The following ZNF385D variants were observed in gnomAD, a reference collection of about 807,000 sequenced individuals.
ZNF385D encodes zinc finger protein 385D.
In ZNF385D, 15 loss-of-function variants were observed where a neutral mutation model predicts 35.8. That is an observed-to-expected ratio of 0.42 (90% CI 0.28 to 0.64). The LOEUF (loss-of-function observed/expected upper bound fraction) is 0.64, where lower values mean the gene tolerates loss of function less well. ZNF385D is among the 30% of genes least tolerant of loss of function. The pLI is 0.23. For missense variants in ZNF385D, 474 were observed against 494.6 expected, an observed-to-expected ratio of 0.96 and a Z score of 0.39; for synonymous variants, 212 against 186.8, an observed-to-expected ratio of 1.13 and a Z score of -1.10.
At chr3:22,156,846 AC>A (rs749997234) in intron 3 of ZNF385D, among the ~76,000 whole-genome samples, 17 of 152,142 alleles carry the variant, frequency 1.1e-4, no homozygotes, top group South Asian at 2.1e-4. Flanking sequence ...GATTTTAAAG[AC>A]CAAAAGTCAG....
At chr3:21,492,020 A>G (rs1705462383) in intron 4 of ZNF385D, among the ~76,000 whole-genome samples, 1 of 152,116 alleles carries the variant, frequency 6.6e-6, no homozygotes, top group South Asian at 2.1e-4. Flanking sequence ...AATACCATAT[A>G]TGTAATTTTT....
At chr3:22,182,448 A>G (rs895067284) in intron 2 of ZNF385D, among the ~76,000 whole-genome samples, 2 of 152,150 alleles carry the variant, frequency 1.3e-5, no homozygotes, top group African/African-American at 4.8e-5. Flanking sequence ...CATGACAGAC[A>G]TAACTAATCA....
chr3:22,311,141 A>G (rs1703520570), intron 2 of ZNF385D, among the ~76,000 whole-genome samples: 1 of 151,966 alleles, frequency 6.6e-6, no homozygotes, highest in Non-Finnish European at 1.5e-5. Context: ...AAAGGAGAAA[A>G]AGGAAGCAGA....
At chr3:21,864,155 T>G (rs921227343) in intron 3 of ZNF385D, among the ~76,000 whole-genome samples, 9 of 152,238 alleles carry the variant, frequency 5.9e-5, no homozygotes, top group African/African-American at 2.2e-4. Flanking sequence ...ATTTTACAGT[T>G]GAATTCTCAA....
At chr3:21,880,037 A>G (rs1698196219) in intron 3 of ZNF385D, among the ~76,000 whole-genome samples, 1 of 151,960 alleles carries the variant, frequency 6.6e-6, no homozygotes. Context: ...TTAAATATGT[A>G]AAAATACTAT....
chr3:22,193,562 T>C (rs1013291189), intron 2 of ZNF385D, among the ~76,000 whole-genome samples: 12 of 152,038 alleles, frequency 7.9e-5, no homozygotes, highest in African/African-American at 2.7e-4. Flanking sequence ...TTTTGGTTTG[T>C]ATTGTAACTT....
intron 1 of ZNF385D, among the ~76,000 whole-genome samples, chr3:21,687,501 T>C (rs2067144035): frequency 6.6e-6 from 1 of 152,116 alleles, no homozygotes; most frequent in Non-Finnish European, 1.5e-5. Flanking sequence ...TACACATGTA[T>C]AGCTTTTTCC....
intron 3 of ZNF385D, among the ~76,000 whole-genome samples, chr3:21,843,080 T>C (rs961486838): frequency 4.6e-5 from 7 of 152,058 alleles, no homozygotes; most frequent in African/African-American, 1.2e-4. Context: ...TTGGCTTTTA[T>C]TGGAAACTAT....
At chr3:22,361,851 C>G (rs930694782) in intron 2 of ZNF385D, among the ~76,000 whole-genome samples, 1 of 151,864 alleles carries the variant, frequency 6.6e-6, no homozygotes, top group Middle Eastern at 3.2e-3. Flanking sequence ...GGCCTACCCA[C>G]CTAATTTGTG....
chr3:21,763,842 T>G (rs1575608125), intron 3 of ZNF385D, among the ~76,000 whole-genome samples: 1 of 152,186 alleles, frequency 6.6e-6, no homozygotes, highest in Non-Finnish European at 1.5e-5. Context: ...AACACTTAAT[T>G]TGGAAGACAT....
intron 4 of ZNF385D, among the ~76,000 whole-genome samples, chr3:21,455,988 C>T (rs1258841131): frequency 1.3e-5 from 2 of 152,174 alleles, no homozygotes; most frequent in Non-Finnish European, 2.9e-5. Context: ...TGAAAAAATG[C>T]TCATCATCAC....
At chr3:22,087,023 G>A (rs565889559) in intron 3 of ZNF385D, among the ~76,000 whole-genome samples, 2 of 151,996 alleles carry the variant, frequency 1.3e-5, no homozygotes, top group African/African-American at 4.8e-5. Context: ...CATGGCACAC[G>A]CATACATATG....
At chr3:21,456,779 T>A (rs550845973) in intron 4 of ZNF385D, among the ~76,000 whole-genome samples, 3 of 152,260 alleles carry the variant, frequency 2.0e-5, no homozygotes, top group Non-Finnish European at 4.4e-5. Context: ...TTGAGTTTCC[T>A]CTGCCATCTG....
chr3:22,334,106 A>G (rs1248497427), intron 2 of ZNF385D, among the ~76,000 whole-genome samples: 2 of 152,222 alleles, frequency 1.3e-5, no homozygotes, highest in Non-Finnish European at 2.9e-5. Flanking sequence ...TGTCTCTTAT[A>G]AGTCCATATG....
chr3:21,520,366 A>G (rs1707834088), intron 3 of ZNF385D, among the ~76,000 whole-genome samples: 1 of 152,204 alleles, frequency 6.6e-6, no homozygotes, highest in Admixed American at 6.5e-5. Flanking sequence ...ACATCTCTAA[A>G]TAGTTGCCTA....
At chr3:22,246,412 T>C (rs1699786080) in intron 2 of ZNF385D, among the ~76,000 whole-genome samples, 1 of 152,062 alleles carries the variant, frequency 6.6e-6, no homozygotes, top group African/African-American at 2.4e-5. Flanking sequence ...CAAATATGAA[T>C]TGAGTGACTA....
rs144418899 is a variant in ZNF385D, at chr3:21,973,903, T to C, written c.325+194914A>G. Among the ~76,000 whole-genome samples the C allele has an allele frequency of 7.9e-5, 12 of 151,962 alleles. No individual in the cohort carries two copies. In the East Asian group the frequency reaches 1.4e-3, roughly 17 times the overall value. ...TCTCTACAATGAAAACTATAAAATA[T>C]TGATGTAAGAAATTGAAGAGGTCAA... On this transcript the variant is annotated intron_variant, in intron 3 of 5. Transcript: ENST00000494108.
At chr3:22,279,143 G>A (rs1283357701) in intron 2 of ZNF385D, among the ~76,000 whole-genome samples, 1 of 151,988 alleles carries the variant, frequency 6.6e-6, no homozygotes, top group African/African-American at 2.4e-5. Flanking sequence ...TGGGGGAACA[G>A]GTGATGTTTG....
chr3:21,990,221 A>T (rs1695075760), intron 3 of ZNF385D, among the ~76,000 whole-genome samples: 1 of 152,202 alleles, frequency 6.6e-6, no homozygotes, highest in African/African-American at 2.4e-5. Flanking sequence ...TGCCAGTGCA[A>T]TTGCACTGTC....
Sources: allele counts gnomAD v4.1 joint callset (sites outside exome capture counted in the v4.1 genomes callset), GRCh38; gene constraint gnomAD v4.1.1; transcripts MANE v1.5; gene names NCBI Gene and HGNC (gene_info 2026-07-23, HGNC 2026-07-21).